CSMD1: variants seen among roughly 807,000 people sequenced by gnomAD.
The protein encoded by CSMD1 is CUB and Sushi multiple domains 1.
In CSMD1, 213 loss-of-function variants were observed where a neutral mutation model predicts 417.5. That is an observed-to-expected ratio of 0.51 (90% CI 0.46 to 0.57). The LOEUF (loss-of-function observed/expected upper bound fraction) is 0.57. Ranked by LOEUF, CSMD1 falls within the 20% of genes least tolerant of loss-of-function variation. The probability of loss-of-function intolerance (pLI) is 0.00; values close to 1 mark genes in which losing one functional copy is unlikely to be tolerated. For missense variants in CSMD1, 6,923 were observed against 4,529.7 expected, an observed-to-expected ratio of 1.53 and a Z score of -15.17; for synonymous variants, 2,862 against 1,736.8, an observed-to-expected ratio of 1.65 and a Z score of -16.11.
intron 3 of CSMD1, among the ~76,000 whole-genome samples, chr8:4,122,004 T>C (rs115577702): frequency 6.6e-6 from 1 of 152,010 alleles, no homozygotes; most frequent in South Asian, 2.1e-4. Context: ...TTTTTAATCA[T>C]TAAGAATAAT....
intron 5 of CSMD1, among the ~76,000 whole-genome samples, chr8:3,767,033 C>G (rs1338249532): frequency 6.6e-6 from 1 of 152,190 alleles, no homozygotes; most frequent in Non-Finnish European, 1.5e-5. Flanking sequence ...GCTCTCATAA[C>G]TCCGGAGCTC....
At position 2,951,133 on chromosome 8, in the gene CSMD1, T is replaced by C. The variant is rs751943896; in HGVS notation, c.10182A>G (p.Pro3394=). 6 of 1,613,190 alleles carry C rather than the reference T, an allele frequency of 3.7e-6. No homozygotes were observed. Among genetic ancestry groups the C allele is most frequent in the African/African-American group, 1.3e-5 (1 of 74,914 alleles). ...ACCTACCTGTCAACTTCAGCTCCAC[T>C]GGCGAGGCTTCGCTGAAGGTGGCAT... ...KVNATFSEAS[P]VELKLTGIYK... The change falls in exon 66 of 70, where the codon CCA becomes CCG. Residue 3394 remains proline, a synonymous_variant. Coordinates refer to ENST00000635120, the MANE Select transcript of CSMD1 (RefSeq NM_033225.6).
intron 10 of CSMD1, among the ~76,000 whole-genome samples, chr8:3,526,922 G>C (rs1009226136): frequency 1.1e-4 from 16 of 152,118 alleles, no homozygotes; most frequent in Admixed American, 9.2e-4. Flanking sequence ...ATCTAATGGT[G>C]TCCAGGGGAT....
At chr8:4,762,972 T>C (rs1360015469) in intron 1 of CSMD1, among the ~76,000 whole-genome samples, 1 of 152,084 alleles carries the variant, frequency 6.6e-6, no homozygotes, top group Non-Finnish European at 1.5e-5. Flanking sequence ...TCTGGTGGCG[T>C]GTGGGAGGAG....
chr8:4,817,424 A>G (rs1799271152), intron 1 of CSMD1, among the ~76,000 whole-genome samples: 1 of 152,252 alleles, frequency 6.6e-6, no homozygotes, highest in Non-Finnish European at 1.5e-5. Flanking sequence ...CAGCACAGCA[A>G]GTGTTTTCAT....
chr8:3,087,291 G>T lies in CSMD1; in HGVS notation c.7286-6C>A. 3 of 1,612,608 alleles carry T rather than the reference G, an allele frequency of 1.9e-6. No homozygotes were observed. The highest frequency in any genetic ancestry group is 1.7e-5 in the Admixed American group (1 of 60,014). ...GGTCAAACTGCAGTAAGGTGCTGTG[G>T]GCAGACAGACACACACAGAAATAAG... On this transcript the variant is annotated splice_polypyrimidine_tract_variant and splice_region_variant and intron_variant, in intron 48 of 69. Coordinates refer to ENST00000635120, the MANE Select transcript of CSMD1 (RefSeq NM_033225.6).
chr8:4,360,340 C>G (rs1004219791), intron 3 of CSMD1, among the ~76,000 whole-genome samples: 4 of 152,224 alleles, frequency 2.6e-5, no homozygotes, highest in Non-Finnish European at 4.4e-5. Context: ...CTCCTCTTAT[C>G]TGTTGCATGA....
intron 1 of CSMD1, among the ~76,000 whole-genome samples, chr8:4,654,512 T>C (rs986899718): frequency 1.3e-5 from 2 of 152,104 alleles, no homozygotes; most frequent in Non-Finnish European, 2.9e-5. Flanking sequence ...GCAATGCATA[T>C]ACTTCTTACG....
At chr8:3,215,078 A>G (rs1797808163) in intron 29 of CSMD1, among the ~76,000 whole-genome samples, 1 of 152,236 alleles carries the variant, frequency 6.6e-6, no homozygotes, top group Non-Finnish European at 1.5e-5. Flanking sequence ...TAACTTTTGT[A>G]CATCAAACAT....
At chr8:3,289,982 C>T (rs959197419) in intron 25 of CSMD1, among the ~76,000 whole-genome samples, 3 of 147,342 alleles carry the variant, frequency 2.0e-5, no homozygotes, top group Non-Finnish European at 4.4e-5. Flanking sequence ...AGTCTTTAAT[C>T]CATCTTGAAT....
At chr8:3,209,659 A>C (rs1797493285) in intron 30 of CSMD1, among the ~76,000 whole-genome samples, 1 of 152,190 alleles carries the variant, frequency 6.6e-6, no homozygotes. Context: ...TTACTGTGCT[A>C]ATCTAAGAAA....
At chr8:4,083,712 A>G (rs1402074728) in intron 3 of CSMD1, among the ~76,000 whole-genome samples, 1 of 152,140 alleles carries the variant, frequency 6.6e-6, no homozygotes, top group Non-Finnish European at 1.5e-5. Context: ...AAAGACTTAA[A>G]CGTTAGACCT....
At chr8:3,987,956 A>G (rs1003762656) in intron 5 of CSMD1, among the ~76,000 whole-genome samples, 3 of 152,214 alleles carry the variant, frequency 2.0e-5, no homozygotes, top group Non-Finnish European at 4.4e-5. Flanking sequence ...GAAATCCACA[A>G]CAAAGGAAAC....
intron 2 of CSMD1, among the ~76,000 whole-genome samples, chr8:4,442,738 C>A (rs897598150): frequency 6.6e-6 from 1 of 151,994 alleles, no homozygotes; most frequent in African/African-American, 2.4e-5. Flanking sequence ...CAATCAGTCA[C>A]TATTTTATGT....
At chr8:3,849,400 G>A (rs1056102797) in intron 5 of CSMD1, among the ~76,000 whole-genome samples, 7 of 152,086 alleles carry the variant, frequency 4.6e-5, no homozygotes, top group Non-Finnish European at 7.4e-5. Context: ...AAGGAAGGAC[G>A]GACGAAAGGG....
intron 5 of CSMD1, among the ~76,000 whole-genome samples, chr8:3,932,959 A>T (rs1281036656): frequency 6.7e-6 from 1 of 150,236 alleles, no homozygotes; most frequent in East Asian, 1.9e-4. Flanking sequence ...GTGAATTTTT[A>T]AATTTTTTGC....
chr8:3,103,435 G>A (rs1481561397), intron 46 of CSMD1, among the ~76,000 whole-genome samples: 1 of 152,076 alleles, frequency 6.6e-6, no homozygotes, highest in Admixed American at 6.5e-5. Context: ...CACCTGCACA[G>A]TATGAGACTG....
intron 9 of CSMD1, among the ~76,000 whole-genome samples, chr8:3,580,700 C>G (rs952243911): frequency 2.0e-5 from 3 of 152,042 alleles, no homozygotes; most frequent in Non-Finnish European, 4.4e-5. Flanking sequence ...AAAAATTAAC[C>G]GTGTGTTCTT....
chr8:3,469,915 T>G (rs1042604273), intron 11 of CSMD1, among the ~76,000 whole-genome samples: 14 of 152,254 alleles, frequency 9.2e-5, no homozygotes, highest in Non-Finnish European at 1.0e-4. Flanking sequence ...TTGGCAACAT[T>G]GTTCTTTTTC....
Sources: allele counts gnomAD v4.1 joint callset (sites outside exome capture counted in the v4.1 genomes callset), GRCh38; gene constraint gnomAD v4.1.1; transcripts MANE v1.5; gene names NCBI Gene and HGNC (gene_info 2026-07-23, HGNC 2026-07-21).